The following JAKMIP1 variants were observed in gnomAD, a reference collection of about 807,000 sequenced individuals.
The protein encoded by JAKMIP1 is janus kinase and microtubule-interacting protein 1.
A neutral mutation model predicts 113.0 loss-of-function variants in JAKMIP1; 33 were observed. The observed-to-expected ratio is 0.29, with a 90% CI of 0.22 to 0.39. JAKMIP1 has a LOEUF of 0.39. JAKMIP1 is among the 10% of genes least tolerant of loss of function. The pLI, the probability that JAKMIP1 is intolerant of heterozygous loss-of-function variation, is 1.00. For synonymous variants in JAKMIP1, 480 were observed against 459.9 expected, an observed-to-expected ratio of 1.04 and a Z score of -0.56; for missense variants, 813 against 1,080.5, an observed-to-expected ratio of 0.75 and a Z score of 3.47.
Position 6,184,782 on chromosome 4 carries a change from A to G in JAKMIP1, c.-148+15471T>C, listed in dbSNP as rs1317019122. Among the ~76,000 whole-genome samples the G allele has an allele frequency of 6.6e-6, 1 of 152,214 alleles. No homozygotes were observed. The highest frequency in any genetic ancestry group is 1.5e-5 in the Non-Finnish European group (1 of 68,040). ...AACTCGATTGGACAGAAGGATAGAA[A>G]GTATTGTTCCTGAGTGTGTCTGTGA... is the stretch of plus-strand genomic sequence containing the variant. On this transcript the variant is annotated intron_variant, in intron 1 of 20. Coordinates refer to ENST00000409021, the MANE Select transcript of JAKMIP1 (RefSeq NM_001099433.2). The surrounding 1 kb of genome is among the most constrained non-coding windows in gnomAD (Gnocchi z 4.5).
intron 1 of JAKMIP1, among the ~76,000 whole-genome samples, chr4:6,145,915 T>C (rs967375235): frequency 1.3e-5 from 2 of 152,124 alleles, no homozygotes; most frequent in Non-Finnish European, 2.9e-5. Flanking sequence ...TGTAACCACC[T>C]CTTTACAGGC....
rs1443695546 is a variant in JAKMIP1, at chr4:6,180,975, C to T, written c.-148+19278G>A. On this transcript the variant is annotated intron_variant, in intron 1 of 20. Transcript: ENST00000409021. This position sits in a 1 kb window ranked among gnomAD's most constrained non-coding sequence, Gnocchi z 4.5. ...CCCCTTAAGAAGTCCCAGAAAAGGCCCCAGCCATCAGGTCGTTTCTGTCTC... is the reference window on the plus strand; with the variant it reads ...CCCCTTAAGAAGTCCCAGAAAAGGCTCCAGCCATCAGGTCGTTTCTGTCTC... Among the ~76,000 whole-genome samples, 2 of 152,030 alleles carry T rather than the reference C, an allele frequency of 1.3e-5. No homozygotes were observed. The highest frequency in any genetic ancestry group is 2.4e-5 in the African/African-American group (1 of 41,374).
At chr4:6,130,917 T>C (rs2108935424) in intron 1 of JAKMIP1, among the ~76,000 whole-genome samples, 1 of 151,732 alleles carries the variant, frequency 6.6e-6, no homozygotes, top group South Asian at 2.1e-4. Flanking sequence ...TTCAAACCTA[T>C]AACCCCAGCA....
At chr4:6,164,384 GA>G (rs1723338669) in intron 1 of JAKMIP1, among the ~76,000 whole-genome samples, 6 of 151,876 alleles carry the variant, frequency 4.0e-5, no homozygotes, top group Admixed American at 3.3e-4. Flanking sequence ...CTACTGCTCG[GA>G]AAAAAAAGAT....
chr4:6,029,307 C>T (rs554025783), intron 20 of JAKMIP1, among the ~76,000 whole-genome samples: 1 of 152,190 alleles, frequency 6.6e-6, no homozygotes, highest in African/African-American at 2.4e-5. Flanking sequence ...CAGGAACATG[C>T]GACTGGTCTG....
chr4:6,092,873 T>C (rs139061814), intron 3 of JAKMIP1, among the ~76,000 whole-genome samples: 2 of 152,344 alleles, frequency 1.3e-5, no homozygotes, highest in East Asian at 1.9e-4. Flanking sequence ...AGGTGTTTGC[T>C]TGTGATCTCA....
chr4:6,134,061 C>T (rs553360282), intron 1 of JAKMIP1, among the ~76,000 whole-genome samples: 1 of 152,160 alleles, frequency 6.6e-6, no homozygotes, highest in Non-Finnish European at 1.5e-5. Flanking sequence ...ATCCCCAGGT[C>T]GAGGGAGATG....
At chr4:6,189,963 C>T (rs1346418310) in intron 1 of JAKMIP1, among the ~76,000 whole-genome samples, 2 of 152,206 alleles carry the variant, frequency 1.3e-5, no homozygotes, top group African/African-American at 4.8e-5. Context: ...GGCCATGCCA[C>T]ACTGGCAAAA....
In JAKMIP1 at chr4:6,193,217, G is replaced by T. The variant is rs931236666; in HGVS notation, c.-148+7036C>A. The stretch of plus-strand genomic sequence containing the variant: ...GACCTACACCAGTGGTTTGCCAGGG[G>T]CTCTAAGGCCTTTGGCCACAGGCTG... On this transcript the variant is annotated intron_variant, in intron 1 of 20. Transcript: ENST00000409021. This position sits in a 1 kb window ranked among gnomAD's most constrained non-coding sequence, Gnocchi z 6.4. 1.3e-5 allele frequency among the ~76,000 whole-genome samples: 2 copies of T among 152,120 alleles called. No individual in the cohort carries two copies. Among genetic ancestry groups the T allele is most frequent in the Non-Finnish European group, 2.9e-5 (2 of 68,032 alleles).
chr4:6,062,082 T>C (rs1717367551), intron 10 of JAKMIP1, among the ~76,000 whole-genome samples: 2 of 152,362 alleles, frequency 1.3e-5, no homozygotes, highest in South Asian at 4.1e-4. Flanking sequence ...ACAGGTGATA[T>C]GTAGCGTTGC....
chr4:6,100,619 G>A (rs78004252), intron 3 of JAKMIP1, among the ~76,000 whole-genome samples: 1 of 152,092 alleles, frequency 6.6e-6, no homozygotes, highest in South Asian at 2.1e-4. Flanking sequence ...GAGTCCGTAG[G>A]TGTCCTTTTT....
chr4:6,060,370 C>T (rs928331735), intron 11 of JAKMIP1, 54 bp downstream of exon 11: 2 of 1,368,796 alleles, frequency 1.5e-6, no homozygotes, highest in African/African-American at 1.4e-5. Context: ...CCAGGGATAC[C>T]ACCAAGGGGA....
chr4:6,063,416 C>T (rs1171387921), intron 9 of JAKMIP1, among the ~76,000 whole-genome samples: 1 of 152,216 alleles, frequency 6.6e-6, no homozygotes, highest in Non-Finnish European at 1.5e-5. Flanking sequence ...TGGCTGAGAA[C>T]AAGACCCTAA....
intron 1 of JAKMIP1, among the ~76,000 whole-genome samples, chr4:6,128,502 G>C (rs10937703): frequency 0.99 from 151,367 of 152,220 alleles, 75,264 homozygotes; most frequent in Middle Eastern, 1. Flanking sequence ...AAGCCCGTGG[G>C]CTGGGAAATT....
chr4:6,176,531 C>G lies in JAKMIP1; in HGVS notation c.-148+23722G>C, dbSNP rs189322948. Among the ~76,000 whole-genome samples, 1 of 152,164 alleles carries G rather than the reference C, an allele frequency of 6.6e-6. No homozygotes were observed. Among genetic ancestry groups the G allele is most frequent in the Non-Finnish European group, 1.5e-5 (1 of 68,038 alleles). On this transcript the variant is annotated intron_variant, in intron 1 of 20. Transcript: ENST00000409021. The surrounding 1 kb of genome is among the most constrained non-coding windows in gnomAD (Gnocchi z 5.5). ...GGACGGTTGTTCTGTAGAAACAAGA[C>G]GCAGCACTGTACCACATCACCCGGA...
chr4:6,097,026 G>A lies in JAKMIP1; in HGVS notation c.624+8447C>T, dbSNP rs1363008794. 6.6e-6 allele frequency among the ~76,000 whole-genome samples: 1 copy of A among 152,124 alleles called. No homozygotes were observed. The highest frequency in any genetic ancestry group is 1.5e-5 in the Non-Finnish European group (1 of 68,040). On this transcript the variant is annotated intron_variant, in intron 3 of 20. Coordinates refer to ENST00000409021, the MANE Select transcript of JAKMIP1 (RefSeq NM_001099433.2). This position sits in a 1 kb window ranked among gnomAD's most constrained non-coding sequence, Gnocchi z 4.3. ...TGAATGTATTTATTTATTCAAGACA[G>A]ACTCTCTCTCTGTCACCCAGGCTGG... is the stretch of plus-strand genomic sequence containing the variant.
intron 1 of JAKMIP1, among the ~76,000 whole-genome samples, chr4:6,151,243 TG>T (rs1170854069): frequency 6.6e-6 from 1 of 152,126 alleles, no homozygotes; most frequent in Non-Finnish European, 1.5e-5. Flanking sequence ...CACAACCCTA[TG>T]AAGTTACTTC....
rs924650518 is a variant in JAKMIP1, at chr4:6,197,964, T to A, written c.-148+2289A>T. Among the ~76,000 whole-genome samples the A allele has an allele frequency of 2.0e-5, 3 of 152,198 alleles. No individual in the cohort carries two copies. The highest frequency in any genetic ancestry group is 7.2e-5 in the African/African-American group (3 of 41,454). On this transcript the variant is annotated intron_variant, in intron 1 of 20. Transcript: ENST00000409021. The surrounding 1 kb of genome is among the most constrained non-coding windows in gnomAD (Gnocchi z 6.5). ...CTGCCACTTCCTCGTGCAGCCTTCC[T>A]GGCCGGGCCGCCTGTCCCCATCTCT...
chr4:6,173,120 GAA>G (rs1324613624), intron 1 of JAKMIP1, among the ~76,000 whole-genome samples: 8 of 152,266 alleles, frequency 5.3e-5, no homozygotes, highest in Middle Eastern at 3.4e-3. Context: ...GCAAGCACAG[GAA>G]AAAGTTCAGG....
Sources: gnomAD v4.1 joint callset for allele counts (sites outside exome capture counted in the v4.1 genomes callset) on GRCh38, gnomAD v4.1.1 for gene constraint, Gnocchi (gnomAD v3.1) non-coding constraint, MANE v1.5 for transcripts, NCBI Gene and HGNC (gene_info 2026-07-23, HGNC 2026-07-21) for gene names.